The following CSMD1 variants were observed in gnomAD, a reference collection of about 807,000 sequenced individuals.
CSMD1 encodes the protein CUB and Sushi multiple domains 1.
CSMD1 carries 213 observed loss-of-function variants against 417.5 expected under a neutral mutation model. The ratio of observed to expected loss-of-function variants is 0.51; its 90% CI spans 0.46 to 0.57. The LOEUF (loss-of-function observed/expected upper bound fraction) is 0.57, where lower values mean the gene tolerates loss of function less well. Among genes scored for constraint, CSMD1 ranks in the 20% least tolerant of loss-of-function variants. The probability of loss-of-function intolerance (pLI) is 0.00; values close to 1 mark genes in which losing one functional copy is unlikely to be tolerated. For missense variants in CSMD1, 6,923 were observed against 4,529.7 expected, an observed-to-expected ratio of 1.53 and a Z score of -15.17; for synonymous variants, 2,862 against 1,736.8, an observed-to-expected ratio of 1.65 and a Z score of -16.11.
intron 5 of CSMD1, among the ~76,000 whole-genome samples, chr8:3,881,213 C>G (rs1373799647): frequency 2.0e-5 from 3 of 151,176 alleles, no homozygotes; most frequent in Non-Finnish European, 2.9e-5. Context: ...TATATAGATT[C>G]AAGTCACTCT....
intron 3 of CSMD1, among the ~76,000 whole-genome samples, chr8:4,091,828 G>A (rs1232871710): frequency 2.0e-5 from 3 of 152,252 alleles, no homozygotes; most frequent in East Asian, 3.9e-4. Flanking sequence ...CCTTAAAATG[G>A]ACTATTTAGC....
chr8:4,001,154 A>G (rs561611819), intron 4 of CSMD1, among the ~76,000 whole-genome samples: 31 of 152,334 alleles, frequency 2.0e-4, no homozygotes, highest in Non-Finnish European at 3.5e-4. Flanking sequence ...AAATAGTCGT[A>G]TTTATGTGCA....
At chr8:4,367,371 G>T (rs7839613) in intron 3 of CSMD1, among the ~76,000 whole-genome samples, 37,741 of 151,928 alleles carry the variant, frequency 0.25, 5,229 homozygotes, top group East Asian at 0.36. Flanking sequence ...GTGATTGTAG[G>T]TGTATGGCTT....
chr8:4,180,127 CAT>C (rs1355717836), intron 3 of CSMD1, among the ~76,000 whole-genome samples: 1 of 152,128 alleles, frequency 6.6e-6, no homozygotes, highest in Non-Finnish European at 1.5e-5. Flanking sequence ...CACATTCACA[CAT>C]ATGTTTACTG....
Position 4,441,095 on chromosome 8 carries a change from G to GTTTT in CSMD1, c.303-21034_303-21031dup, listed in dbSNP as rs36000734. Among the ~76,000 whole-genome samples, 65 of 51,314 alleles carry GTTTT rather than the reference G, an allele frequency of 1.3e-3. 17 individuals are homozygous for GTTTT. Among genetic ancestry groups the GTTTT allele is most frequent in the Non-Finnish European group, 1.8e-3 (49 of 27,810 alleles). The allele number at this position is 51,314 out of a possible 152,430, so 33.7% of individuals were successfully genotyped here. ...AATAATTTGACTCGTTAATCAAAAG[G>GTTTT]TTTTTTTTTTTTTTTTTTTTTTTAA... On this transcript the variant is annotated intron_variant, in intron 2 of 69. Coordinates refer to ENST00000635120, the MANE Select transcript of CSMD1 (RefSeq NM_033225.6).
At chr8:2,953,413 A>G (rs1802770625) in intron 65 of CSMD1, among the ~76,000 whole-genome samples, 1 of 151,260 alleles carries the variant, frequency 6.6e-6, no homozygotes, top group South Asian at 2.1e-4. Flanking sequence ...AGCAATACAA[A>G]TACTCTTTCC....
intron 3 of CSMD1, among the ~76,000 whole-genome samples, chr8:4,218,482 C>A (rs1800823125): frequency 6.6e-6 from 1 of 152,170 alleles, no homozygotes; most frequent in Admixed American, 6.5e-5. Context: ...CCTCCACTTG[C>A]TGTATGATCT....
At chr8:3,097,492 C>T (rs1815399000) in intron 46 of CSMD1, among the ~76,000 whole-genome samples, 1 of 152,048 alleles carries the variant, frequency 6.6e-6, no homozygotes, top group Non-Finnish European at 1.5e-5. Flanking sequence ...TTCCAAGAGC[C>T]CTAGTGATGC....
At chr8:3,312,370 C>T (rs1166985270) in intron 23 of CSMD1, among the ~76,000 whole-genome samples, 3 of 152,178 alleles carry the variant, frequency 2.0e-5, no homozygotes, top group Non-Finnish European at 4.4e-5. Context: ...AAGACCTTGA[C>T]AGCATCATTA....
At chr8:3,502,450 T>C (rs1585263466) in intron 10 of CSMD1, among the ~76,000 whole-genome samples, 1 of 150,812 alleles carries the variant, frequency 6.6e-6, no homozygotes, top group Non-Finnish European at 1.5e-5. Flanking sequence ...ATCGCCAAAA[T>C]TAGGAAGCAA....
chr8:3,206,585 G>T, intron 30 of CSMD1, among the ~76,000 whole-genome samples: 1 of 142,228 alleles, frequency 7.0e-6, no homozygotes, highest in Non-Finnish European at 1.5e-5. Flanking sequence ...GTGTGTATGT[G>T]TGGGGGGCGT....
intron 5 of CSMD1, among the ~76,000 whole-genome samples, chr8:3,840,683 CT>C (rs939551047): frequency 2.8e-5 from 4 of 143,944 alleles, no homozygotes; most frequent in East Asian, 2.0e-4. Flanking sequence ...GACCTCAATT[CT>C]TTTTTTTAAT....
At chr8:4,847,927 C>T (rs537854131) in intron 1 of CSMD1, among the ~76,000 whole-genome samples, 71 of 152,192 alleles carry the variant, frequency 4.7e-4, no homozygotes, top group African/African-American at 1.7e-3. Flanking sequence ...AAAATGAAAC[C>T]CTGTACCCTT....
At chr8:4,976,131 G>A (rs1043271726) in intron 1 of CSMD1, among the ~76,000 whole-genome samples, 2 of 152,118 alleles carry the variant, frequency 1.3e-5, no homozygotes, top group African/African-American at 2.4e-5. Flanking sequence ...GGACATAAGG[G>A]AAGAACAGAC....
intron 26 of CSMD1, among the ~76,000 whole-genome samples, chr8:3,232,299 G>T (rs929345859): frequency 6.6e-6 from 1 of 152,136 alleles, no homozygotes; most frequent in Non-Finnish European, 1.5e-5. Context: ...CAAGTTCTGT[G>T]ACTCTCTCTG....
intron 1 of CSMD1, among the ~76,000 whole-genome samples, chr8:4,964,711 C>A (rs1809739182): frequency 6.6e-6 from 1 of 152,006 alleles, no homozygotes; most frequent in Non-Finnish European, 1.5e-5. Flanking sequence ...CAGTTATGGT[C>A]ACTAAGCCAA....
At chr8:3,627,957 T>G (rs1796577285) in intron 7 of CSMD1, among the ~76,000 whole-genome samples, 1 of 152,204 alleles carries the variant, frequency 6.6e-6, no homozygotes, top group Admixed American at 6.5e-5. Flanking sequence ...TGAGAAGTAC[T>G]TCACACTTCG....
At chr8:4,642,606 C>T (rs1803267416) in intron 1 of CSMD1, among the ~76,000 whole-genome samples, 1 of 152,148 alleles carries the variant, frequency 6.6e-6, no homozygotes, top group South Asian at 2.1e-4. Flanking sequence ...CAGTCCTGGG[C>T]TGGGTGGGCA....
intron 10 of CSMD1, among the ~76,000 whole-genome samples, chr8:3,543,843 G>C (rs1798544641): frequency 6.6e-6 from 1 of 152,148 alleles, no homozygotes; most frequent in South Asian, 2.1e-4. Context: ...TTAGCAGATG[G>C]ATTGTATTTG....
Sources: gnomAD v4.1 joint callset for allele counts (sites outside exome capture counted in the v4.1 genomes callset) on GRCh38, gnomAD v4.1.1 for gene constraint, MANE v1.5 for transcripts, NCBI Gene and HGNC (gene_info 2026-07-23, HGNC 2026-07-21) for gene names.